The following MAPK14 variants were observed in gnomAD, a reference collection of about 807,000 sequenced individuals.
The protein encoded by MAPK14 is CSAID-binding protein.
MAPK14 carries 16 observed loss-of-function variants against 49.6 expected under a neutral mutation model. The ratio of observed to expected loss-of-function variants is 0.32; its 90% CI spans 0.22 to 0.49. MAPK14 has a LOEUF of 0.49. Among genes scored for constraint, MAPK14 ranks in the 20% least tolerant of loss-of-function variants. MAPK14 has a pLI of 0.99. For synonymous variants in MAPK14, 142 were observed against 158.0 expected (o/e 0.90, Z 0.76); for missense variants, 200 against 441.2 (o/e 0.45, Z 4.90).
chr6:36,119,162 A>G, the MAPK14 span, among the ~76,000 whole-genome samples: 2 of 152,214 alleles, frequency 1.3e-5, no homozygotes, highest in Non-Finnish European at 2.9e-5. Context: ...TTATTCAGTG[A>G]TCTGTGTCAA....
intron 1 of MAPK14, among the ~76,000 whole-genome samples, chr6:36,036,131 G>T (rs1284057433): frequency 6.6e-6 from 1 of 151,966 alleles, no homozygotes; most frequent in Non-Finnish European, 1.5e-5. Flanking sequence ...AGCTGCTTGG[G>T]AGGCTGAGGC....
the MAPK14 span, among the ~76,000 whole-genome samples, chr6:36,119,738 C>A: frequency 1.1e-4 from 17 of 152,058 alleles, no homozygotes; most frequent in African/African-American, 3.9e-4. Context: ...GCCAGGGATG[C>A]TGCTGAACAT....
At chr6:36,087,682 G>A (rs1765041848) in intron 8 of MAPK14, among the ~76,000 whole-genome samples, 1 of 152,116 alleles carries the variant, frequency 6.6e-6, no homozygotes, top group South Asian at 2.1e-4. Flanking sequence ...TGGATAGGAA[G>A]AATCAATATC....
At chr6:36,123,321 G>A in the MAPK14 span, among the ~76,000 whole-genome samples, 1 of 152,156 alleles carries the variant, frequency 6.6e-6, no homozygotes, top group Non-Finnish European at 1.5e-5. Context: ...CGAAGGTCCA[G>A]CCTCATGCTA....
chr6:36,072,723 C>T (rs377120728), intron 3 of MAPK14, 150 bp from the exon 4 acceptor site: 17 of 504,048 alleles, frequency 3.4e-5, no homozygotes, highest in East Asian at 7.0e-5. Flanking sequence ...TGAGATTGCG[C>T]CACTGCACTC....
At chr6:36,032,255 T>TA (rs1397182084) in intron 1 of MAPK14, among the ~76,000 whole-genome samples, 1 of 152,130 alleles carries the variant, frequency 6.6e-6, no homozygotes, top group African/African-American at 2.4e-5. Flanking sequence ...CTAAGTATAG[T>TA]AAAAAAACAA....
chr6:36,099,590 C>T (rs1765562694), intron 9 of MAPK14, among the ~76,000 whole-genome samples: 1 of 152,184 alleles, frequency 6.6e-6, no homozygotes, highest in Non-Finnish European at 1.5e-5. Context: ...TAACCTTCTC[C>T]TCTTCTCCTC....
rs1198518108 is a variant in MAPK14 at position 36,073,193 on chromosome 6, C to T, written c.417+209C>T. The stretch of plus-strand genomic sequence containing the variant: ...GGCCAATCATGTTTCTTTTGTATTT[C>T]CCAAGCCCTGGATTATTTTAAAGCA... On this transcript the variant is annotated intron_variant, in intron 4 of 11. Coordinates refer to ENST00000229794, the MANE Select transcript of MAPK14 (RefSeq NM_139012.3). 8 of 548,946 alleles carry T rather than the reference C, an allele frequency of 1.5e-5. No homozygotes were observed. In the East Asian group the frequency reaches 2.0e-4, roughly 14 times the overall value. The allele number at this position is 548,946 out of a possible 1,614,324, so 34.0% of individuals were successfully genotyped here.
At position 36,076,123 on chromosome 6, in the gene MAPK14, G is replaced by A. The variant is rs1764522542; in HGVS notation, c.610+161G>A. Among the ~76,000 whole-genome samples, 2 of 152,164 alleles carry A rather than the reference G, an allele frequency of 1.3e-5. 1 individual carries two copies. Among genetic ancestry groups the A allele is most frequent in the South Asian group, 4.1e-4 (2 of 4,822 alleles). ...AAAAATATTTCACTTCCTCAGATGG[G>A]GAAGTGGGGTTTTATACACAGCTTT... On this transcript the variant is annotated intron_variant, in intron 7 of 11. Transcript: ENST00000229794.
Position 36,052,653 on chromosome 6 carries a change from T to G in MAPK14, c.117-46T>G, listed in dbSNP as rs368275685. On this transcript the variant is annotated intron_variant, in intron 1 of 11. Transcript: ENST00000229794. ...CTTATAAATACCCCAAAATAATATT[T>G]AGAACAGCTTTTTAATGGTGGGTTT... The G allele has an allele frequency of 5.3e-5, 82 of 1,558,304 alleles. No individual in the cohort carries two copies. In the East Asian group the frequency reaches 9.6e-4, roughly 18 times the overall value.
chr6:36,055,145 G>A (rs1433303809), intron 2 of MAPK14, among the ~76,000 whole-genome samples: 2 of 152,234 alleles, frequency 1.3e-5, no homozygotes, highest in Non-Finnish European at 2.9e-5. Context: ...CCTTGATCTC[G>A]TTAACACCTG....
rs550318011 is a variant in MAPK14 at position 36,043,255 on chromosome 6, G to A, written c.117-9444G>A. On this transcript the variant is annotated intron_variant, in intron 1 of 11. Coordinates refer to ENST00000229794, the MANE Select transcript of MAPK14 (RefSeq NM_139012.3). ...TAAAACAAGATATTTGAGAGTTAGC[G>A]AAGATATTAAAGCTAATGTTTTAAA... Among the ~76,000 whole-genome samples, 6 of 152,196 alleles carry A rather than the reference G, an allele frequency of 3.9e-5. No homozygotes were observed. In the East Asian group the frequency reaches 5.8e-4, roughly 15 times the overall value.
intron 2 of MAPK14, among the ~76,000 whole-genome samples, chr6:36,056,518 A>G (rs751993775): frequency 2.4e-4 from 36 of 152,220 alleles, no homozygotes; most frequent in Admixed American, 1.8e-3. Context: ...AAGCTCTTGG[A>G]CCCAAGAAAT....
intron 9 of MAPK14, chr6:36,096,280 G>T: frequency 4.3e-6 from 2 of 469,228 alleles, no homozygotes; most frequent in South Asian, 3.9e-5. Flanking sequence ...TCTCTATCTG[G>T]GTACACACTA....
At chr6:36,115,845 T>C (rs1374241234), downstream of MAPK14, among the ~76,000 whole-genome samples, 1 of 151,332 alleles carries the variant, frequency 6.6e-6, no homozygotes, top group Non-Finnish European at 1.5e-5. Context: ...GGAAAATTGC[T>C]TGAACCTGGG....
chr6:36,073,095 TA>T (rs1484767739), intron 4 of MAPK14, 111 bp downstream of exon 4: 1 of 726,164 alleles, frequency 1.4e-6, no homozygotes, highest in African/African-American at 1.7e-5. Flanking sequence ...TTCAAACACA[TA>T]AAATCACAGG....
At chr6:36,095,834 C>A (rs999218573) in intron 8 of MAPK14, among the ~76,000 whole-genome samples, 153 bp from the exon 9 acceptor site, 7 of 149,512 alleles carry the variant, frequency 4.7e-5, no homozygotes, top group South Asian at 4.2e-4. Flanking sequence ...CCTGCAGGAG[C>A]CTTGACCTAG....
At chr6:36,095,672 G>C (rs982658879) in intron 8 of MAPK14, among the ~76,000 whole-genome samples, 1 of 152,222 alleles carries the variant, frequency 6.6e-6, no homozygotes, top group East Asian at 1.9e-4. Flanking sequence ...GTTTTCACCT[G>C]CTGTCTTTGG....
chr6:36,118,794 C>G, the MAPK14 span, among the ~76,000 whole-genome samples: 2 of 152,112 alleles, frequency 1.3e-5, no homozygotes, highest in African/African-American at 4.8e-5. Context: ...GGGGAGTGTC[C>G]CTATCTGGAG....
Sources: allele counts gnomAD v4.1 joint callset (sites outside exome capture counted in the v4.1 genomes callset), GRCh38; gene constraint gnomAD v4.1.1; transcripts MANE v1.5; gene names NCBI Gene and HGNC (gene_info 2026-07-23, HGNC 2026-07-21).